LMO7: variants seen among roughly 807,000 people sequenced by gnomAD.
The protein encoded by LMO7 is LIM domain 7, also known as LIM domain only protein 7.
In LMO7, 120 loss-of-function variants were observed where a neutral mutation model predicts 206.5. The observed-to-expected ratio is 0.58, with a 90% CI of 0.50 to 0.68. The LOEUF (loss-of-function observed/expected upper bound fraction) is 0.68, where lower values mean the gene tolerates loss of function less well. LMO7 is among the 30% of genes least tolerant of loss of function. The pLI is 0.00. For missense variants in LMO7, 1,959 were observed against 1,957.9 expected (o/e 1.00, Z -0.01); for synonymous variants, 706 against 681.5 (o/e 1.04, Z -0.56).
intron 9 of LMO7, chr13:75,806,777 T>C (rs2055543179): frequency 6.6e-6 from 1 of 152,260 alleles, no homozygotes; most frequent in African/African-American, 2.4e-5. Flanking sequence ...CAAAGATTAT[T>C]CCTTCTTCTT....
chr13:75,770,162 T>C (rs2049436418), intron 4 of LMO7, among the ~76,000 whole-genome samples: 1 of 131,380 alleles, frequency 7.6e-6, no homozygotes, highest in Non-Finnish European at 1.6e-5. Flanking sequence ...TGAATCCTTG[T>C]TTGTTTTGGT....
At chr13:75,836,356 C>T (rs1338121347) in intron 18 of LMO7, 41 bp from the exon 19 acceptor site, 4 of 1,124,654 alleles carry the variant, frequency 3.6e-6, no homozygotes, top group Non-Finnish European at 3.9e-6. Context: ...GGCCAAAGTC[C>T]AACTGGAGAG....
At chr13:75,623,368 A>AT (rs1385091953) in intron 2 of LMO7, 3 of 1,067,036 alleles carry the variant, frequency 2.8e-6, no homozygotes, top group East Asian at 2.4e-5. Flanking sequence ...AGGCCAAAGC[A>AT]TTTTTTTCTT....
At position 75,630,341 on chromosome 13, in the gene LMO7, G is replaced by GA. The variant is rs545000476; in HGVS notation, c.225+7027dup. On this transcript the variant is annotated intron_variant, in intron 2 of 29. Coordinates refer to the LMO7 transcript ENST00000341547. ...TACATGTCTTTTGTAAAAACACTTG[G>GA]AAAAAAGAGAGAAGTACAAAATCTC... 7.9e-5 allele frequency among the ~76,000 whole-genome samples: 12 copies of GA among 152,168 alleles called. No individual in the cohort carries two copies. In the East Asian group the frequency reaches 2.3e-3, roughly 29 times the overall value.
chr13:75,851,100 G>GCC (rs1275890277), intron 27 of LMO7, among the ~76,000 whole-genome samples: 1 of 152,188 alleles, frequency 6.6e-6, no homozygotes, highest in Non-Finnish European at 1.5e-5. Context: ...GTTTGCTGAT[G>GCC]CCCCATTGGC....
At chr13:75,677,326 T>G (rs993404516) in intron 1 of LMO7, among the ~76,000 whole-genome samples, 1 of 152,228 alleles carries the variant, frequency 6.6e-6, no homozygotes, top group Non-Finnish European at 1.5e-5. Flanking sequence ...CTTACTGATA[T>G]CTATAAGTAG....
chr13:75,834,611 A>C (rs1055076146), intron 17 of LMO7, among the ~76,000 whole-genome samples: 1 of 152,122 alleles, frequency 6.6e-6, no homozygotes, highest in Non-Finnish European at 1.5e-5. Context: ...TTATTGACTG[A>C]TTCATGTACT....
intron 6 of LMO7, among the ~76,000 whole-genome samples, chr13:75,799,122 A>G (rs927504227): frequency 6.6e-5 from 10 of 152,266 alleles, no homozygotes; most frequent in Non-Finnish European, 1.2e-4. Flanking sequence ...GGGTGTCGGC[A>G]TCTAAAGCAC....
intron 6 of LMO7, among the ~76,000 whole-genome samples, chr13:75,798,152 C>T (rs554186371): frequency 6.6e-6 from 1 of 152,272 alleles, no homozygotes; most frequent in East Asian, 1.9e-4. Context: ...AGGCGGATCA[C>T]CTGAAGTTGT....
intron 4 of LMO7, among the ~76,000 whole-genome samples, chr13:75,779,342 G>A (rs1183310309): frequency 8.4e-6 from 1 of 119,454 alleles, no homozygotes; most frequent in Admixed American, 8.6e-5. Flanking sequence ...AGATGGGGAT[G>A]GGGGGAGAAC....
At position 75,796,782 on chromosome 13, in the gene LMO7, TG is replaced by T. The variant is rs1251551052; in HGVS notation, c.462+34del. 5 of 1,236,136 alleles carry T rather than the reference TG, an allele frequency of 4.0e-6. No homozygotes were observed. In the East Asian group the frequency reaches 1.2e-4, roughly 29 times the overall value. 76.6% of individuals were successfully genotyped at this position (1,236,136 alleles called of 1,614,324 possible). ...AACTACATCTGTGTGAGATTACTGC[TG>T]TAATACAGTATCACTGCTTTCCCTT... On this transcript the variant is annotated intron_variant, in intron 6 of 30. Coordinates refer to ENST00000377534, the MANE Select transcript of LMO7 (RefSeq NM_001306080.2).
At chr13:75,682,817 C>G (rs181074224) in intron 1 of LMO7, among the ~76,000 whole-genome samples, 1 of 152,074 alleles carries the variant, frequency 6.6e-6, no homozygotes, top group Non-Finnish European at 1.5e-5. Context: ...ACAATAAGAG[C>G]CTAATAAATG....
intron 30 of LMO7, chr13:75,857,688 G>A (rs114035179): frequency 4.0e-4 from 146 of 363,660 alleles, no homozygotes; most frequent in African/African-American, 2.8e-3. Flanking sequence ...ATAGAGAGTT[G>A]AGTGTAATTT....
At chr13:75,845,434 T>G in intron 26 of LMO7, 55 bp downstream of exon 26, 1 of 1,020,472 alleles carries the variant, frequency 9.8e-7, no homozygotes, top group Non-Finnish European at 1.5e-6. Context: ...TGTGGTATCA[T>G]GTTATGAGAA....
At chr13:75,682,822 T>A (rs1052165321) in intron 1 of LMO7, among the ~76,000 whole-genome samples, 4 of 152,206 alleles carry the variant, frequency 2.6e-5, no homozygotes, top group African/African-American at 9.6e-5. Flanking sequence ...AAGAGCCTAA[T>A]AAATGTCCAT....
intron 30 of LMO7, 64 bp downstream of exon 30, chr13:75,856,672 T>C: frequency 2.2e-6 from 2 of 921,062 alleles, no homozygotes; most frequent in Non-Finnish European, 3.6e-6. Context: ...TCCCATGCAT[T>C]TCCCTGAACC....
intron 1 of LMO7, among the ~76,000 whole-genome samples, chr13:75,676,486 G>A (rs1430017231): frequency 6.6e-6 from 1 of 152,186 alleles, no homozygotes; most frequent in Admixed American, 6.5e-5. Flanking sequence ...TAAGCAATGT[G>A]GTAGGTAATG....
At chr13:75,786,100 C>A (rs149291604) in intron 4 of LMO7, among the ~76,000 whole-genome samples, 30 of 152,254 alleles carry the variant, frequency 2.0e-4, no homozygotes, top group African/African-American at 7.0e-4. Context: ...TCATCCTCAC[C>A]CCTCATCTGC....
intron 4 of LMO7, among the ~76,000 whole-genome samples, chr13:75,777,025 C>A (rs183500710): frequency 3.0e-4 from 46 of 152,288 alleles, no homozygotes; most frequent in Non-Finnish European, 4.4e-5. Context: ...GGTGAGGTGG[C>A]GTTTGCAATG....
Sources: gnomAD v4.1 joint callset for allele counts (sites outside exome capture counted in the v4.1 genomes callset) on GRCh38, gnomAD v4.1.1 for gene constraint, MANE v1.5 for transcripts, NCBI Gene and HGNC (gene_info 2026-07-23, HGNC 2026-07-21) for gene names.